DDX53: variants seen among roughly 807,000 people sequenced by gnomAD.
DDX53 encodes the protein DEAD box protein 53.
For synonymous variants in DDX53, 179 were observed against 170.8 expected, an observed-to-expected ratio of 1.05 and a Z score of -0.37; for missense variants, 481 against 485.1, an observed-to-expected ratio of 0.99 and a Z score of 0.08.
At position 23,001,118 on chromosome X, in the gene DDX53, G is replaced by C; in HGVS notation, c.1061G>C (p.Gly354Ala). 8.3e-7 allele frequency: 1 copy of C among 1,207,740 alleles called. No individual in the cohort carries two copies. Among genetic ancestry groups the C allele is most frequent in the Non-Finnish European group, 1.1e-6 (1 of 893,721 alleles). Residue 354 changes from glycine (G) to alanine (A), a missense_variant, in exon 1 of 1, where the codon GGG becomes GCG. By Grantham distance (60) the Gly-to-Ala change is moderately conservative (BLOSUM62 0). Coordinates refer to ENST00000327968, the MANE Select transcript of DDX53 (RefSeq NM_182699.4). ...GTAGATATCATTATTGCAACTCCTG[G>C]GAGGCTGAATGACCTACAAATGAAT... ...KGVDIIIATP[G>A]RLNDLQMNNS...
At position 23,001,121 on chromosome X, in the gene DDX53, G is replaced by A. The variant is rs1933803655; in HGVS notation, c.1064G>A (p.Arg355Lys). ...GATATCATTATTGCAACTCCTGGGA[G>A]GCTGAATGACCTACAAATGAATAAC... ...GVDIIIATPG[R>K]LNDLQMNNSV... The change falls in exon 1 of 1, where the codon AGG becomes AAG. Residue 355 changes from arginine to lysine, a missense_variant. By Grantham distance (26) the Arg-to-Lys change is conservative. Transcript: ENST00000327968. 1.7e-6 allele frequency: 2 copies of A among 1,205,612 alleles called. No homozygotes were observed. The highest frequency in any genetic ancestry group is 1.1e-6 in the Non-Finnish European group (1 of 892,705).
At position 23,001,564 on chromosome X, in the gene DDX53, C is replaced by A; in HGVS notation, c.1507C>A (p.Gln503Lys). ...SAESLHGNSE[Q>K]SDQERAVEDF... ...AGAATCATTACATGGCAACAGTGAA[C>A]AGAGTGATCAAGAGCGAGCAGTAGA... The change falls in exon 1 of 1, where the codon CAG (glutamine) becomes AAG (lysine). Residue 503 changes from glutamine to lysine, a missense_variant. By Grantham distance (53) the Gln-to-Lys change is moderately conservative. Transcript: ENST00000327968. 3 of 1,210,687 alleles carry A rather than the reference C, an allele frequency of 2.5e-6. No individual in the cohort carries two copies. The highest frequency in any genetic ancestry group is 3.4e-6 in the Non-Finnish European group (3 of 895,033).
Position 23,000,062 on chromosome X carries a change from C to T in DDX53, c.5C>T (p.Ser2Phe), listed in dbSNP as rs760560530. ...CGATACTCCCACTATCCCACAATGT[C>T]CCACTGGGCCCCAGAGTGGAAGAGG... M[S>F]HWAPEWKRAE... is the part of the protein sequence containing the mutation. Residue 2 changes from serine to phenylalanine, a missense_variant, in exon 1 of 1, where the codon TCC becomes TTC. Physicochemically the swap from Ser to Phe is radical, Grantham distance 155. Coordinates refer to ENST00000327968, the MANE Select transcript of DDX53 (RefSeq NM_182699.4). The T allele has an allele frequency of 9.1e-7, 1 of 1,098,560 alleles. No homozygotes were observed. Among genetic ancestry groups the T allele is most frequent in the Non-Finnish European group, 1.2e-6 (1 of 841,846 alleles). The allele number at this position is 1,098,560 out of a possible 1,213,427, so 90.5% of individuals were successfully genotyped here.
At position 23,000,615 on chromosome X, in the gene DDX53, C is replaced by G. The variant is rs776004153; in HGVS notation, c.558C>G (p.Ser186Arg). Residue 186 changes from serine to arginine, a missense_variant, in exon 1 of 1, where the codon AGC becomes AGG. Ser to Arg is a moderately radical substitution (Grantham distance 110). Transcript: ENST00000327968. ...KNFYIESKAT[S>R]CMSEMQVINW... The stretch of plus-strand genomic sequence containing the variant: ...TTTACATAGAATCCAAAGCAACAAG[C>G]TGCATGTCTGAAATGCAGGTGATTA... 5.3e-5 allele frequency: 64 copies of G among 1,211,794 alleles called. No homozygotes were observed. Among genetic ancestry groups the G allele is most frequent in the Non-Finnish European group, 7.0e-5 (63 of 895,496 alleles).
rs759856308 is a variant in DDX53, at chrX:23,000,844, A to G, written c.787A>G (p.Ile263Val). 4.5e-5 allele frequency: 54 copies of G among 1,210,197 alleles called. No individual in the cohort carries two copies. The highest frequency in any genetic ancestry group is 6.0e-5 in the Non-Finnish European group (54 of 895,317). ...AATTATTCTACAAGGAATAGATCTT[A>G]TAGTAGTTGCACAAACCGGAACAGG... is the stretch of plus-strand genomic sequence containing the variant. The part of the protein sequence containing the change: ...WPIILQGIDL[I>V]VVAQTGTGKT... Residue 263 changes from isoleucine (I) to valine (V), a missense_variant, in exon 1 of 1, where the codon ATA becomes GTA. Transcript: ENST00000327968.
In DDX53 at chrX:23,000,820, A is replaced by G. The variant is rs1230098388; in HGVS notation, c.763A>G (p.Ile255Val). 9 of 1,210,507 alleles carry G rather than the reference A, an allele frequency of 7.4e-6. No homozygotes were observed. The highest frequency in any genetic ancestry group is 8.9e-6 in the Non-Finnish European group (8 of 895,384). ...GCCAATTCAGTCACAGGCATGGCCA[A>G]TTATTCTACAAGGAATAGATCTTAT... is the stretch of plus-strand genomic sequence containing the variant. ...PTPIQSQAWP[I>V]ILQGIDLIVV... Residue 255 changes from isoleucine to valine, a missense_variant, in exon 1 of 1, where the codon ATT (isoleucine) becomes GTT (valine). Ile to Val is a conservative substitution (Grantham distance 29). Coordinates refer to ENST00000327968, the MANE Select transcript of DDX53 (RefSeq NM_182699.4).
chrX:23,001,634 T>G lies in DDX53; in HGVS notation c.1577T>G (p.Ile526Arg), dbSNP rs145541868. Reference sequence around the variant, plus strand: ...ATAAAGATACTGATTACAACTGATATAGTATCCCGAGGTCTTGATCTTAAT... The same window carrying G: ...ATAAAGATACTGATTACAACTGATAGAGTATCCCGAGGTCTTGATCTTAAT... The part of the protein sequence containing the change: ...GNIKILITTD[I>R]VSRGLDLNDV... Residue 526 changes from isoleucine to arginine, a missense_variant, in exon 1 of 1, where the codon ATA (isoleucine) becomes AGA (arginine). Coordinates refer to ENST00000327968, the MANE Select transcript of DDX53 (RefSeq NM_182699.4). 17 of 1,210,815 alleles carry G rather than the reference T, an allele frequency of 1.4e-5. No individual in the cohort carries two copies. The Admixed American group carries it at 2.8e-4, about 20-fold the overall frequency.
chrX:23,001,403 C>A lies in DDX53; in HGVS notation c.1346C>A (p.Thr449Lys), dbSNP rs912061541. Residue 449 changes from threonine (T) to lysine (K), a missense_variant, in exon 1 of 1, where the codon ACA becomes AAA. Coordinates refer to ENST00000327968, the MANE Select transcript of DDX53 (RefSeq NM_182699.4). ...NTVKQNIIVT[T>K]EKEKRALTQE... The stretch of plus-strand genomic sequence containing the variant: ...GTGAAGCAAAATATAATTGTTACCA[C>A]AGAAAAAGAAAAACGAGCTCTCACC... 1 of 1,205,960 alleles carries A rather than the reference C, an allele frequency of 8.3e-7. No individual in the cohort carries two copies. Among genetic ancestry groups the A allele is most frequent in the African/African-American group, 1.8e-5 (1 of 56,980 alleles).
chrX:23,002,676 T>TA lies in DDX53; in HGVS notation c.*729dup, dbSNP rs1441772212. ...CAATATTGTGTATGTTCCTTAATTTTAAAAAAGTCTCAAAAATGAGAGAGT... is the reference window on the plus strand; with the variant it reads ...CAATATTGTGTATGTTCCTTAATTTTAAAAAAAGTCTCAAAAATGAGAGAGT... On this transcript the variant is annotated 3_prime_UTR_variant, in exon 1 of 1. Transcript: ENST00000327968. 2 of 119,787 alleles carry TA rather than the reference T, an allele frequency of 1.7e-5. No individual in the cohort carries two copies. Among genetic ancestry groups the TA allele is most frequent in the Non-Finnish European group, 3.8e-5 (2 of 52,342 alleles). 9.9% of individuals were successfully genotyped at this position (119,787 alleles called of 1,213,427 possible).
At position 23,002,632 on chromosome X, in the gene DDX53, A is replaced by T. The variant is rs1933834596; in HGVS notation, c.*679A>T. ...AAGGTTTGTTAAAGAAACACGTGTC[A>T]TGGGGGTTTATCAACTTTCAATATT... is the stretch of plus-strand genomic sequence containing the variant. On this transcript the variant is annotated 3_prime_UTR_variant, in exon 1 of 1. Coordinates refer to ENST00000327968, the MANE Select transcript of DDX53 (RefSeq NM_182699.4). The T allele has an allele frequency of 8.3e-6, 1 of 119,895 alleles. No homozygotes were observed. The highest frequency in any genetic ancestry group is 9.8e-5 in the Admixed American group (1 of 10,182). 9.9% of individuals were successfully genotyped at this position (119,895 alleles called of 1,213,427 possible).
At position 23,001,813 on chromosome X, in the gene DDX53, C is replaced by A; in HGVS notation, c.1756C>A (p.Leu586Met). The change falls in exon 1 of 1, where the codon CTG becomes ATG. Residue 586 changes from leucine (L) to methionine (M), a missense_variant. By Grantham distance (15) the Leu-to-Met change is conservative. Transcript: ENST00000327968. Reference sequence around the variant, plus strand: ...AATGGCCGGTGAATTGATTAAAATTCTGGACAGAGCAAATCAGAGTGTTCC... The same window carrying A: ...AATGGCCGGTGAATTGATTAAAATTATGGACAGAGCAAATCAGAGTGTTCC... ...SKMAGELIKI[L>M]DRANQSVPED... The A allele has an allele frequency of 1.7e-6, 2 of 1,211,583 alleles. No homozygotes were observed.
chrX:23,000,287 C>G lies in DDX53; in HGVS notation c.230C>G (p.Ser77Trp). ...TCAAAAATAAAAGATCTACAACATT[C>G]GACAAACACTAAAATACAGATCATA... ...SGSKIKDLQH[S>W]TNTKIQIING... Residue 77 changes from serine to tryptophan, a missense_variant, in exon 1 of 1, where the codon TCG becomes TGG. Ser to Trp is a radical substitution (Grantham distance 177, BLOSUM62 -3). Transcript: ENST00000327968. 8.4e-7 allele frequency: 1 copy of G among 1,194,184 alleles called. No homozygotes were observed. The highest frequency in any genetic ancestry group is 2.3e-4 in the Middle Eastern group (1 of 4,258).
At position 23,001,849 on chromosome X, in the gene DDX53, G is replaced by A. The variant is rs370317544; in HGVS notation, c.1792G>A (p.Val598Ile). The A allele has an allele frequency of 4.1e-6, 5 of 1,211,526 alleles. No homozygotes were observed. Among genetic ancestry groups the A allele is most frequent in the Non-Finnish European group, 4.5e-6 (4 of 895,337 alleles). The change falls in exon 1 of 1, where the codon GTA becomes ATA. Residue 598 changes from valine to isoleucine, a missense_variant. Physicochemically the swap from Val to Ile is conservative, Grantham distance 29. Coordinates refer to ENST00000327968, the MANE Select transcript of DDX53 (RefSeq NM_182699.4). ...AAATCAGAGTGTTCCGGAAGATCTTGTAGTAATGGCTGAGCAATACAAGTT... is the reference window on the plus strand; with the variant it reads ...AAATCAGAGTGTTCCGGAAGATCTTATAGTAATGGCTGAGCAATACAAGTT... ...RANQSVPEDL[V>I]VMAEQYKLNQ...
chrX:23,001,977 G>T lies in DDX53; in HGVS notation c.*24G>T, dbSNP rs772154862. On this transcript the variant is annotated 3_prime_UTR_variant, in exon 1 of 1. Transcript: ENST00000327968. ...GAAAAGTTGTACCAGGCTACTGGAA[G>T]ATTCCAGGCATGTTAAAGATATGCA... 2.7e-6 allele frequency: 3 copies of T among 1,120,822 alleles called. No homozygotes were observed. Among genetic ancestry groups the T allele is most frequent in the Admixed American group, 2.6e-5 (1 of 37,829 alleles). 92.4% of individuals were successfully genotyped at this position (1,120,822 alleles called of 1,213,427 possible).
chrX:23,000,277 C>G lies in DDX53; in HGVS notation c.220C>G (p.Leu74Val). 2 of 1,190,946 alleles carry G rather than the reference C, an allele frequency of 1.7e-6. No individual in the cohort carries two copies. Among genetic ancestry groups the G allele is most frequent in the Non-Finnish European group, 2.3e-6 (2 of 887,036 alleles). The stretch of plus-strand genomic sequence containing the variant: ...TTACAGTGGATCAAAAATAAAAGAT[C>G]TACAACATTCGACAAACACTAAAAT... ...IGYSGSKIKD[L>V]QHSTNTKIQI... The change falls in exon 1 of 1, where the codon CTA becomes GTA. Residue 74 changes from leucine to valine, a missense_variant. By Grantham distance (32) the Leu-to-Val change is conservative. Coordinates refer to ENST00000327968, the MANE Select transcript of DDX53 (RefSeq NM_182699.4).
At position 23,001,736 on chromosome X, in the gene DDX53, G is replaced by A. The variant is rs1300056133; in HGVS notation, c.1679G>A (p.Arg560Gln). The change falls in exon 1 of 1, where the codon CGG (arginine) becomes CAG (glutamine). Residue 560 changes from arginine (R) to glutamine (Q), a missense_variant. Physicochemically the swap from Arg to Gln is conservative, Grantham distance 43. Transcript: ENST00000327968. Reference protein sequence around the residue: ...VYVHRVGYIGRTGKTGTSVTL... With the variant: ...VYVHRVGYIGQTGKTGTSVTL... ...GTACACAGAGTAGGGTACATTGGAC[G>A]GACAGGAAAGACTGGCACATCAGTT... is the stretch of plus-strand genomic sequence containing the variant. The A allele has an allele frequency of 3.3e-6, 4 of 1,209,108 alleles. No homozygotes were observed. Among genetic ancestry groups the A allele is most frequent in the African/African-American group, 1.8e-5 (1 of 57,142 alleles).
In DDX53 at chrX:23,001,848, T is replaced by C. The variant is rs759627854; in HGVS notation, c.1791T>C (p.Leu597=). 8 of 1,211,454 alleles carry C rather than the reference T, an allele frequency of 6.6e-6. No individual in the cohort carries two copies. The East Asian group carries it at 8.9e-5, about 13-fold the overall frequency. Residue 597 remains leucine (L), a synonymous_variant, in exon 1 of 1, where the codon CTT becomes CTC. Coordinates refer to ENST00000327968, the MANE Select transcript of DDX53 (RefSeq NM_182699.4). ...CAAATCAGAGTGTTCCGGAAGATCTTGTAGTAATGGCTGAGCAATACAAGT... is the reference window on the plus strand; with the variant it reads ...CAAATCAGAGTGTTCCGGAAGATCTCGTAGTAATGGCTGAGCAATACAAGT... ...DRANQSVPED[L]VVMAEQYKLN...
Position 23,000,155 on chromosome X carries a change from G to A in DDX53, c.98G>A (p.Ser33Asn), listed in dbSNP as rs749639761. 1.7e-6 allele frequency: 2 copies of A among 1,198,970 alleles called. No homozygotes were observed. The highest frequency in any genetic ancestry group is 1.1e-6 in the Non-Finnish European group (1 of 888,691). ...DVRGSRGSGW[S>N]GPFGHQGPRA... ...AGGGGCAGCAGAGGCAGTGGCTGGA[G>A]TGGCCCCTTCGGCCATCAGGGACCG... Residue 33 changes from serine (S) to asparagine (N), a missense_variant, in exon 1 of 1, where the codon AGT becomes AAT. Ser to Asn is a conservative substitution (Grantham distance 46). Coordinates refer to ENST00000327968, the MANE Select transcript of DDX53 (RefSeq NM_182699.4).
Position 22,999,994 on chromosome X carries a change from G to A in DDX53, c.-64G>A, listed in dbSNP as rs113939667. On this transcript the variant is annotated 5_prime_UTR_variant, in exon 1 of 1. Transcript: ENST00000327968. ...TGCAGAAGGTGACGGGAAACAGGCC[G>A]CAGACCTGAACTTCCAACCGTATGT... is the stretch of plus-strand genomic sequence containing the variant. 9,167 of 935,310 alleles carry A rather than the reference G, an allele frequency of 9.8e-3. 495 individuals are homozygous for A. The African/African-American group carries it at 0.16, about 16-fold the overall frequency. The allele number at this position is 935,310 out of a possible 1,213,427, so 77.1% of individuals were successfully genotyped here.
Sources: gnomAD v4.1 joint callset for allele counts on GRCh38, gnomAD v4.1.1 for gene constraint, MANE v1.5 for transcripts, NCBI Gene and HGNC (gene_info 2026-07-23, HGNC 2026-07-21) for gene names.